F9: variants seen among roughly 807,000 people sequenced by gnomAD.
F9 encodes the protein Christmas factor.
In F9, 2 loss-of-function variants were observed where a neutral mutation model predicts 34.1. The observed-to-expected ratio is 0.06, with a 90% CI of 0.02 to 0.18. The LOEUF is 0.18. Among genes scored for constraint, F9 ranks in the 10% least tolerant of loss-of-function variants. The probability of loss-of-function intolerance (pLI) is 1.00; values close to 1 mark genes in which losing one functional copy is unlikely to be tolerated. For missense variants in F9, 216 were observed against 345.1 expected, an observed-to-expected ratio of 0.63 and a Z score of 2.96; for synonymous variants, 137 against 118.8, an observed-to-expected ratio of 1.15 and a Z score of -1.00.
At chrX:139,545,402 A>G (rs1927694292) in intron 4 of F9, among the ~76,000 whole-genome samples, 1 of 111,843 alleles carries the variant, frequency 8.9e-6, no homozygotes, top group Non-Finnish European at 1.9e-5. Flanking sequence ...CATAGGAGAA[A>G]CAAAGGGAAA....
intron 4 of F9, among the ~76,000 whole-genome samples, chrX:139,547,106 G>A (rs1927735244): frequency 9.0e-6 from 1 of 111,594 alleles, no homozygotes; most frequent in Non-Finnish European, 1.9e-5. Context: ...CTGACACAAG[G>A]ATAGACAAAT....
chrX:139,553,723 G>A (rs1280145260), intron 6 of F9, among the ~76,000 whole-genome samples: 1 of 102,625 alleles, frequency 9.7e-6, no homozygotes, highest in Non-Finnish European at 2.0e-5. Context: ...TGAGGCAGGA[G>A]AATGGCGTGA....
rs1927329926 is a variant in F9, at chrX:139,530,865, T to C, written c.88+13T>C. ...GCTGAATGTACAGGTTTGTTTCCTTTTTTAAAATACATTGAGTATGCTTGC... is the reference window on the plus strand; with the variant it reads ...GCTGAATGTACAGGTTTGTTTCCTTCTTTAAAATACATTGAGTATGCTTGC... On this transcript the variant is annotated intron_variant, in intron 1 of 7. Transcript: ENST00000218099. 1 of 1,152,869 alleles carries C rather than the reference T, an allele frequency of 8.7e-7. No homozygotes were observed. The highest frequency in any genetic ancestry group is 2.2e-5 in the Admixed American group (1 of 45,689).
chrX:139,557,879 A>G (rs1928005205), intron 6 of F9, among the ~76,000 whole-genome samples: 1 of 112,416 alleles, frequency 8.9e-6, no homozygotes, highest in Non-Finnish European at 1.9e-5. Context: ...TGAGACAGCC[A>G]GAGCATGTGC....
At chrX:139,531,855 GAAATAACGAT>G (rs1394902323) in intron 1 of F9, among the ~76,000 whole-genome samples, 1 of 112,049 alleles carries the variant, frequency 8.9e-6, no homozygotes, top group Non-Finnish European at 1.9e-5. Context: ...CTGAAATGCT[GAAATAACGAT>G]AAAAAAAAAT....
Position 139,563,166 on chromosome X carries a change from C to T in F9, c.*1095C>T, listed in dbSNP as rs908247973. 3 of 110,139 alleles carry T rather than the reference C, an allele frequency of 2.7e-5. No individual in the cohort carries two copies. 9.1% of individuals were successfully genotyped at this position (110,139 alleles called of 1,213,427 possible). A position where few individuals can be genotyped will look rare whatever the true frequency, so the allele number is the denominator to read the frequency against. Reference sequence around the variant, plus strand: ...GTAGAGACTTTGAGGAAGAATTCAACAGTGTGTCTTCAGCAGTGTTCAGAG... The same window carrying T: ...GTAGAGACTTTGAGGAAGAATTCAATAGTGTGTCTTCAGCAGTGTTCAGAG... On this transcript the variant is annotated 3_prime_UTR_variant, in exon 8 of 8. Coordinates refer to ENST00000218099, the MANE Select transcript of F9 (RefSeq NM_000133.4).
At chrX:139,561,183 C>T (rs746663015) in intron 7 of F9, among the ~76,000 whole-genome samples, 29 of 111,530 alleles carry the variant, frequency 2.6e-4, no homozygotes, top group African/African-American at 8.1e-4. Context: ...CCTCAGAAAA[C>T]AAACATTTGA....
chrX:139,549,158 A>G (rs1269104902), intron 5 of F9, among the ~76,000 whole-genome samples: 1 of 111,789 alleles, frequency 8.9e-6, no homozygotes, highest in East Asian at 2.8e-4. Context: ...AGACACTTTT[A>G]TTTTTTGAAA....
intron 4 of F9, among the ~76,000 whole-genome samples, chrX:139,543,513 A>G (rs1045923323): frequency 8.9e-6 from 1 of 112,220 alleles, no homozygotes; most frequent in Admixed American, 9.5e-5. Context: ...CTACTGTCTT[A>G]TTTACTACGT....
In F9 at chrX:139,530,927, A is replaced by G. The variant is rs3817939; in HGVS notation, c.88+75A>G. Reference sequence around the variant, plus strand: ...AGAAATATCTGATGCTGTCTTCTTCACTAAATTTTGATTACATGATTTGAC... The same window carrying G: ...AGAAATATCTGATGCTGTCTTCTTCGCTAAATTTTGATTACATGATTTGAC... On this transcript the variant is annotated intron_variant, in intron 1 of 7. Coordinates refer to ENST00000218099, the MANE Select transcript of F9 (RefSeq NM_000133.4). The G allele has an allele frequency of 0.037, 33,348 of 899,344 alleles. 1,463 individuals carry two copies. Among genetic ancestry groups the G allele is most frequent in the Admixed American group, 0.23 (10,170 of 44,391 alleles). 74.1% of individuals were successfully genotyped at this position (899,344 alleles called of 1,213,427 possible). A position where few individuals can be genotyped will look rare whatever the true frequency, so the allele number is the denominator to read the frequency against.
intron 5 of F9, among the ~76,000 whole-genome samples, chrX:139,550,350 A>G (rs1451998343): frequency 8.9e-6 from 1 of 112,296 alleles, no homozygotes; most frequent in African/African-American, 3.2e-5. Context: ...GGCTTGAAGG[A>G]AAGTGATAAA....
rs995015237 is a variant in F9 at position 139,562,810 on chromosome X, G to A, written c.*739G>A. The A allele has an allele frequency of 5.2e-4, 55 of 106,007 alleles. No homozygotes were observed. The highest frequency in any genetic ancestry group is 1.7e-3 in the African/African-American group (49 of 29,281). 8.7% of individuals were successfully genotyped at this position (106,007 alleles called of 1,213,427 possible). On this transcript the variant is annotated 3_prime_UTR_variant, in exon 8 of 8. Coordinates refer to ENST00000218099, the MANE Select transcript of F9 (RefSeq NM_000133.4). ...AGGGATGAAGTAAGGTGCCTGAAAA[G>A]TTTGGGGGAAAAGTTTCTTTCAGAG...
At chrX:139,549,751 G>A (rs368687135) in intron 5 of F9, among the ~76,000 whole-genome samples, 18 of 112,291 alleles carry the variant, frequency 1.6e-4, no homozygotes, top group East Asian at 5.6e-4. Context: ...AGGCCATCAC[G>A]AGCATATCAC....
At chrX:139,549,266 T>C (rs1212956902) in intron 5 of F9, among the ~76,000 whole-genome samples, 1 of 111,803 alleles carries the variant, frequency 8.9e-6, no homozygotes, top group Non-Finnish European at 1.9e-5. Flanking sequence ...GCCTGATATC[T>C]TATTAATTGG....
chrX:139,537,544 G>C (rs1038379868), intron 3 of F9, among the ~76,000 whole-genome samples, 158 bp downstream of exon 3: 5 of 111,265 alleles, frequency 4.5e-5, no homozygotes, highest in African/African-American at 1.6e-4. Context: ...ATATACTACA[G>C]GGTTATGCCA....
intron 4 of F9, among the ~76,000 whole-genome samples, chrX:139,546,557 G>A (rs1165619915): frequency 1.8e-5 from 2 of 111,680 alleles, no homozygotes; most frequent in African/African-American, 6.5e-5. Context: ...AAGTAAAACT[G>A]TAACTTTCAG....
intron 6 of F9, among the ~76,000 whole-genome samples, chrX:139,558,387 C>T (rs1040145799): frequency 1.8e-5 from 2 of 113,501 alleles, no homozygotes; most frequent in Non-Finnish European, 3.7e-5. Flanking sequence ...TGCTGGGGCC[C>T]AGTGTCCTGT....
intron 6 of F9, among the ~76,000 whole-genome samples, chrX:139,556,282 G>C (rs947074305): frequency 8.9e-6 from 1 of 111,969 alleles, no homozygotes; most frequent in African/African-American, 3.2e-5. Flanking sequence ...TACAGAAAAT[G>C]TCCAGGGAAA....
chrX:139,549,132 T>C (rs977556224), intron 5 of F9, among the ~76,000 whole-genome samples: 1 of 111,991 alleles, frequency 8.9e-6, no homozygotes, highest in Non-Finnish European at 1.9e-5. Context: ...GGCTGTTATC[T>C]AAAGATGAAA....
Sources: gnomAD v4.1 joint callset for allele counts (sites outside exome capture counted in the v4.1 genomes callset) on GRCh38, gnomAD v4.1.1 for gene constraint, MANE v1.5 for transcripts, NCBI Gene and HGNC (gene_info 2026-07-23, HGNC 2026-07-21) for gene names.